The following COL22A1 variants were observed in gnomAD, a reference collection of about 807,000 sequenced individuals.
COL22A1 encodes the protein collagen type XXII alpha 1 chain.
COL22A1 carries 221 observed loss-of-function variants against 248.9 expected under a neutral mutation model. That is an observed-to-expected ratio of 0.89 (90% CI 0.80 to 0.99). The LOEUF is 0.99. Among genes scored for constraint, COL22A1 ranks in the 50% least tolerant of loss-of-function variants. The pLI is 0.00. For missense variants in COL22A1, 2,240 were observed against 2,179.0 expected (o/e 1.03, Z -0.56); for synonymous variants, 891 against 793.4 (o/e 1.12, Z -2.07).
intron 47 of COL22A1, among the ~76,000 whole-genome samples, chr8:138,640,134 A>G (rs1264805132): frequency 6.6e-6 from 1 of 152,224 alleles, no homozygotes; most frequent in African/African-American, 2.4e-5. Context: ...TGTAATGCAA[A>G]TCACATTCTG....
chr8:138,612,450 T>C (rs1344845452), intron 56 of COL22A1, among the ~76,000 whole-genome samples: 4 of 152,198 alleles, frequency 2.6e-5, no homozygotes, highest in Admixed American at 2.6e-4. Flanking sequence ...CAGATATGTA[T>C]CCATCATATG....
intron 32 of COL22A1, among the ~76,000 whole-genome samples, chr8:138,697,253 C>T (rs1827580254): frequency 6.6e-6 from 1 of 152,168 alleles, no homozygotes; most frequent in African/African-American, 2.4e-5. Flanking sequence ...GTGACCTCAG[C>T]CAAGTTAAAC....
intron 2 of COL22A1, among the ~76,000 whole-genome samples, chr8:138,881,144 T>G (rs1824171177): frequency 6.6e-6 from 1 of 152,196 alleles, no homozygotes; most frequent in East Asian, 1.9e-4. Context: ...GAGACCACCC[T>G]AGGGCTTTTT....
At chr8:138,642,970 A>C (rs550934601) in intron 47 of COL22A1, among the ~76,000 whole-genome samples, 1 of 151,756 alleles carries the variant, frequency 6.6e-6, no homozygotes, top group East Asian at 2.0e-4. Context: ...TGGAAGTTGC[A>C]GTGAGCCGAG....
intron 11 of COL22A1, among the ~76,000 whole-genome samples, chr8:138,797,204 A>G (rs1469593793): frequency 3.3e-5 from 5 of 152,220 alleles, no homozygotes; most frequent in Non-Finnish European, 7.3e-5. Flanking sequence ...ACAATTTTAG[A>G]ATATTTTTAT....
chr8:138,694,804 G>T, intron 33 of COL22A1, 22 bp downstream of exon 33: 1 of 1,613,170 alleles, frequency 6.2e-7, no homozygotes, highest in Non-Finnish European at 8.5e-7. Context: ...CCCTGCGGGG[G>T]AAGGGGACAC....
chr8:138,596,787 T>C, intron 62 of COL22A1, 117 bp downstream of exon 62: 2 of 899,070 alleles, frequency 2.2e-6, no homozygotes, highest in Non-Finnish European at 1.8e-6. Flanking sequence ...TAGTCTACAC[T>C]TGAGCTGCCG....
intron 9 of COL22A1, among the ~76,000 whole-genome samples, chr8:138,810,629 G>C (rs1028536175): frequency 5.9e-5 from 9 of 152,184 alleles, no homozygotes; most frequent in African/African-American, 2.2e-4. Flanking sequence ...AGCAAGGGAG[G>C]CCAGAGTTCG....
chr8:138,877,704 G>A (rs1290759889), intron 3 of COL22A1, 46 bp downstream of exon 3: 9 of 1,509,788 alleles, frequency 6.0e-6, no homozygotes, highest in East Asian at 2.3e-5. Context: ...GCTCAGCAGG[G>A]GGCGTCACTC....
chr8:138,678,763 G>A (rs992908489), intron 40 of COL22A1, among the ~76,000 whole-genome samples: 3 of 151,080 alleles, frequency 2.0e-5, no homozygotes, highest in Non-Finnish European at 4.4e-5. Context: ...TGTGACCTTC[G>A]GTAAGTCCCA....
intron 35 of COL22A1, among the ~76,000 whole-genome samples, chr8:138,692,418 TGCACGTAC>T (rs1827147491): frequency 1.3e-5 from 2 of 151,724 alleles, no homozygotes; most frequent in Non-Finnish European, 2.9e-5. Flanking sequence ...TATGTGTGTG[TGCACGTAC>T]GTGTGTGCAT....
At chr8:138,656,085 T>G in intron 44 of COL22A1, 141 bp from the exon 45 acceptor site, 1 of 685,226 alleles carries the variant, frequency 1.5e-6, no homozygotes, top group Non-Finnish European at 2.5e-6. Flanking sequence ...GACAGCCCAG[T>G]GGATGTCCCA....
rs1003302007 is a variant in COL22A1 at position 138,762,394 on chromosome 8, A to G, written c.1857+19T>C. Reference sequence around the variant, plus strand: ...GACCGCTGATGAAACCTAGCCCAACAGCGCCAGCACCCACCTACCTGCTGT... The same window carrying G: ...GACCGCTGATGAAACCTAGCCCAACGGCGCCAGCACCCACCTACCTGCTGT... On this transcript the variant is annotated intron_variant, in intron 17 of 64. Transcript: ENST00000303045. 3.1e-6 allele frequency: 5 copies of G among 1,613,532 alleles called. No homozygotes were observed. In the African/African-American group the frequency reaches 6.7e-5, roughly 22 times the overall value.
At chr8:138,745,435 T>C (rs1832029066) in intron 22 of COL22A1, among the ~76,000 whole-genome samples, 1 of 152,234 alleles carries the variant, frequency 6.6e-6, no homozygotes, top group African/African-American at 2.4e-5. Flanking sequence ...ATTACCTATT[T>C]AATTAATGCC....
intron 43 of COL22A1, among the ~76,000 whole-genome samples, chr8:138,661,261 C>G (rs1032111933): frequency 6.6e-6 from 1 of 152,014 alleles, no homozygotes; most frequent in Non-Finnish European, 1.5e-5. Context: ...AGGAATAAGA[C>G]AGTAACCTTC....
intron 22 of COL22A1, among the ~76,000 whole-genome samples, chr8:138,746,049 GGCGTGGAGCGTGC>G (rs1832079016): frequency 6.6e-6 from 1 of 152,260 alleles, no homozygotes; most frequent in Non-Finnish European, 1.5e-5. Context: ...CTCCGGGGAT[GGCGTGGAGCGTGC>G]CTCGCTCTCA....
chr8:138,745,655 A>G (rs562224018), intron 22 of COL22A1, among the ~76,000 whole-genome samples: 2 of 152,316 alleles, frequency 1.3e-5, no homozygotes, highest in East Asian at 1.9e-4. Context: ...AATATCAGAT[A>G]AATCTGCAGA....
intron 21 of COL22A1, among the ~76,000 whole-genome samples, chr8:138,752,589 A>G (rs2318340): frequency 0.82 from 124,294 of 152,170 alleles, 50,982 homozygotes; most frequent in East Asian, 0.98. Flanking sequence ...GTCAAGAAAT[A>G]GCTGGCATTG....
Position 138,616,067 on chromosome 8 carries a change from A to T in COL22A1, c.3871-13T>A. On this transcript the variant is annotated splice_polypyrimidine_tract_variant and intron_variant, in intron 54 of 64. Transcript: ENST00000303045. ...CACCAGACTCTCCCTAGGAACAAAA[A>T]AGCCTGCTATTAGGGAAGGAGATGC... 1 of 1,609,952 alleles carries T rather than the reference A, an allele frequency of 6.2e-7. No individual in the cohort carries two copies.
Sources: gnomAD v4.1 joint callset for allele counts (sites outside exome capture counted in the v4.1 genomes callset) on GRCh38, gnomAD v4.1.1 for gene constraint, MANE v1.5 for transcripts, NCBI Gene and HGNC (gene_info 2026-07-23, HGNC 2026-07-21) for gene names.